DGAT2: variants seen among roughly 807,000 people sequenced by gnomAD.
The protein encoded by DGAT2 is diacylglycerol O-acyltransferase 2.
A neutral mutation model predicts 48.4 loss-of-function variants in DGAT2; 33 were observed. That is an observed-to-expected ratio of 0.68 (90% CI 0.52 to 0.91). DGAT2 has a LOEUF of 0.91. DGAT2 is among the 40% of genes least tolerant of loss of function. DGAT2 has a pLI of 0.00. For missense variants in DGAT2, 446 were observed against 493.7 expected, an observed-to-expected ratio of 0.90 and a Z score of 0.92; for synonymous variants, 191 against 194.1, an observed-to-expected ratio of 0.98 and a Z score of 0.13.
At chr11:75,779,922 G>A (rs182684981) in intron 1 of DGAT2, among the ~76,000 whole-genome samples, 152 of 152,284 alleles carry the variant, frequency 1.0e-3, no homozygotes, top group African/African-American at 3.5e-3. Context: ...CTGCCTCTGA[G>A]GCTGCTCTGG....
chr11:75,799,437 G>T (rs1345248655), intron 7 of DGAT2, among the ~76,000 whole-genome samples: 2 of 152,176 alleles, frequency 1.3e-5, no homozygotes, highest in African/African-American at 4.8e-5. Flanking sequence ...GACCAAGGGA[G>T]TAGCAGTGGA....
intron 1 of DGAT2, among the ~76,000 whole-genome samples, chr11:75,777,884 C>A (rs1008322947): frequency 5.3e-5 from 8 of 152,196 alleles, no homozygotes; most frequent in Non-Finnish European, 1.0e-4. Flanking sequence ...TCATAGCTCT[C>A]GTCGCTGCCT....
At chr11:75,784,492 G>T in intron 1 of DGAT2, 126 bp from the exon 2 acceptor site, 1 of 1,353,782 alleles carries the variant, frequency 7.4e-7, no homozygotes, top group Middle Eastern at 1.9e-4. Context: ...ACCCAGGTCT[G>T]TCTGATTCTA....
chr11:75,773,256 T>C (rs1944774978), intron 1 of DGAT2, among the ~76,000 whole-genome samples: 1 of 152,148 alleles, frequency 6.6e-6, no homozygotes, highest in South Asian at 2.1e-4. Flanking sequence ...GACTGGGTGC[T>C]GGGGTTGTAG....
At position 75,790,203 on chromosome 11, in the gene DGAT2, C is replaced by G. The variant is rs749905870; in HGVS notation, c.266C>G (p.Ala89Gly). ...SFLVLGVACS[A>G]ILMYIFCTDC... ...TGCCCCCCAGGAGTGGCCTGCAGTGCCATCCTCATGTACATATTCTGCACT... is the reference window on the plus strand; with the variant it reads ...TGCCCCCCAGGAGTGGCCTGCAGTGGCATCCTCATGTACATATTCTGCACT... Residue 89 changes from alanine to glycine, a missense_variant, in exon 3 of 8, where the codon GCC becomes GGC. Coordinates refer to ENST00000228027, the MANE Select transcript of DGAT2 (RefSeq NM_032564.5). The G allele has an allele frequency of 6.8e-6, 11 of 1,613,968 alleles. No homozygotes were observed. Among genetic ancestry groups the G allele is most frequent in the Non-Finnish European group, 8.5e-6 (10 of 1,179,938 alleles).
rs1335813351 is a variant in DGAT2, at chr11:75,798,421, C to T, written c.1004C>T (p.Thr335Ile). The part of the protein sequence containing the change: ...WGLVPYSKPI[T>I]TVVGEPITIP... ...CTGGTGCCCTACTCCAAGCCCATCA[C>T]CACTGTTGGTAAGCCCCTAGCCTGC... The change falls in exon 7 of 8, where the codon ACC becomes ATC. Residue 335 changes from threonine (T) to isoleucine (I), a missense_variant. Coordinates refer to ENST00000228027, the MANE Select transcript of DGAT2 (RefSeq NM_032564.5). The T allele has an allele frequency of 2.5e-6, 4 of 1,613,068 alleles. No individual in the cohort carries two copies. The highest frequency in any genetic ancestry group is 2.2e-5 in the South Asian group (2 of 91,040).
intron 1 of DGAT2, among the ~76,000 whole-genome samples, chr11:75,770,056 G>A (rs1944742381): frequency 6.6e-6 from 1 of 152,158 alleles, no homozygotes; most frequent in South Asian, 2.1e-4. Flanking sequence ...AAAATTTCTG[G>A]TAAATCGACT....
chr11:75,798,501 C>T (rs769748854), intron 7 of DGAT2, 72 bp downstream of exon 7: 406 of 1,540,940 alleles, frequency 2.6e-4, no homozygotes, highest in Non-Finnish European at 3.3e-4. Flanking sequence ...GCAGTAGAGA[C>T]GGGATTCCAA....
At chr11:75,786,629 G>A (rs987739656) in intron 2 of DGAT2, among the ~76,000 whole-genome samples, 7 of 152,246 alleles carry the variant, frequency 4.6e-5, no homozygotes, top group African/African-American at 1.2e-4. Context: ...GCCTCACCTC[G>A]CCTCGCCTCG....
chr11:75,790,559 G>C (rs892799585), intron 3 of DGAT2, 102 bp from the exon 4 acceptor site: 1 of 1,082,530 alleles, frequency 9.2e-7, no homozygotes, highest in African/African-American at 1.5e-5. Flanking sequence ...CATGGTGCAT[G>C]GGGTGATGGT....
At chr11:75,778,909 A>G (rs1944831837) in intron 1 of DGAT2, among the ~76,000 whole-genome samples, 2 of 151,958 alleles carry the variant, frequency 1.3e-5, no homozygotes, top group African/African-American at 4.8e-5. Flanking sequence ...CATCCTATAG[A>G]TAAGAAAACC....
At chr11:75,775,772 C>G (rs1472550874) in intron 1 of DGAT2, 1 of 152,336 alleles carries the variant, frequency 6.6e-6, no homozygotes, top group African/African-American at 2.4e-5. Context: ...CTTCTGGGAT[C>G]CTGCCCCTGT....
At chr11:75,796,899 G>A in intron 5 of DGAT2, 2 of 444,978 alleles carry the variant, frequency 4.5e-6, no homozygotes, top group Non-Finnish European at 8.0e-6. Context: ...CACCGACTTG[G>A]CAGAATTAGG....
At position 75,768,875 on chromosome 11, in the gene DGAT2, C is replaced by T. The variant is rs979408252; in HGVS notation, c.-117C>T. On this transcript the variant is annotated 5_prime_UTR_variant, in exon 1 of 8. The change creates a new upstream start codon in the 5' untranslated region. Coordinates refer to ENST00000228027, the MANE Select transcript of DGAT2 (RefSeq NM_032564.5). ...AGGTGTCCTAGCCGCCCAGCCTCGACGCCGTCCCGGGACCCCTGTGCTCTG... is the reference window on the plus strand; with the variant it reads ...AGGTGTCCTAGCCGCCCAGCCTCGATGCCGTCCCGGGACCCCTGTGCTCTG... 2 of 1,270,842 alleles carry T rather than the reference C, an allele frequency of 1.6e-6. No homozygotes were observed. 78.7% of individuals were successfully genotyped at this position (1,270,842 alleles called of 1,614,324 possible).
In DGAT2 at chr11:75,801,368, C is replaced by T. The variant is rs1945110596; in HGVS notation, c.*860C>T. On this transcript the variant is annotated 3_prime_UTR_variant, in exon 8 of 8. Transcript: ENST00000228027. ...TCTGAGCAGCAGATTAGTTCCAAAGCAGGTGGCCCCCGAACCCAAGCCTCA... is the reference window on the plus strand; with the variant it reads ...TCTGAGCAGCAGATTAGTTCCAAAGTAGGTGGCCCCCGAACCCAAGCCTCA... 1 of 152,650 alleles carries T rather than the reference C, an allele frequency of 6.6e-6. No individual in the cohort carries two copies. Among genetic ancestry groups the T allele is most frequent in the African/African-American group, 2.4e-5 (1 of 41,432 alleles). The allele number at this position is 152,650 out of a possible 1,614,324, so 9.5% of individuals were successfully genotyped here.
chr11:75,768,931 T>C lies in DGAT2; in HGVS notation c.-61T>C. The C allele has an allele frequency of 7.2e-7, 1 of 1,382,736 alleles. No individual in the cohort carries two copies. Among genetic ancestry groups the C allele is most frequent in the Non-Finnish European group, 9.3e-7 (1 of 1,072,500 alleles). 85.7% of individuals were successfully genotyped at this position (1,382,736 alleles called of 1,614,324 possible). On this transcript the variant is annotated 5_prime_UTR_variant, in exon 1 of 8. An upstream start codon of the reference 5' UTR is lost. Transcript: ENST00000228027. Reference sequence around the variant, plus strand: ...AGCCCTGGCCCCGGGGGCCGGGGCATGGGCCAGGGGCGCGGGGTGAAGCGG... The same window carrying C: ...AGCCCTGGCCCCGGGGGCCGGGGCACGGGCCAGGGGCGCGGGGTGAAGCGG...
At chr11:75,778,251 C>T (rs1944821370) in intron 1 of DGAT2, among the ~76,000 whole-genome samples, 1 of 152,210 alleles carries the variant, frequency 6.6e-6, no homozygotes, top group African/African-American at 2.4e-5. Flanking sequence ...CCCTGCAAGG[C>T]TTTGTTCCAG....
chr11:75,787,076 GAT>G (rs57214655), intron 2 of DGAT2, among the ~76,000 whole-genome samples: 13,088 of 152,070 alleles, frequency 0.086, 648 homozygotes, highest in East Asian at 0.23. Flanking sequence ...TTTTTTTTAA[GAT>G]ATCTGCAACT....
At chr11:75,775,987 C>G (rs1944799772) in intron 1 of DGAT2, 1 of 152,298 alleles carries the variant, frequency 6.6e-6, no homozygotes, top group Non-Finnish European at 1.5e-5. Flanking sequence ...AGAAGCTCCC[C>G]TCCTGGTGTG....
Sources: allele counts gnomAD v4.1 joint callset (sites outside exome capture counted in the v4.1 genomes callset), GRCh38; gene constraint gnomAD v4.1.1; transcripts MANE v1.5; gene names NCBI Gene and HGNC (gene_info 2026-07-23, HGNC 2026-07-21).